Variants in TCF12 observed in about 807,000 individuals in gnomAD.
TCF12 encodes the protein DNA-binding protein HTF4.
TCF12 carries 45 observed loss-of-function variants against 86.0 expected under a neutral mutation model. That is an observed-to-expected ratio of 0.52 (90% CI 0.41 to 0.67). The LOEUF (loss-of-function observed/expected upper bound fraction) is 0.67. Ranked by LOEUF, TCF12 falls within the 30% of genes least tolerant of loss-of-function variation. TCF12 has a pLI of 0.00. For missense variants in TCF12, 881 were observed against 859.9 expected, an observed-to-expected ratio of 1.02 and a Z score of -0.31; for synonymous variants, 330 against 299.6, an observed-to-expected ratio of 1.10 and a Z score of -1.05.
intron 5 of TCF12, among the ~76,000 whole-genome samples, chr15:57,164,269 TGTGG>T (rs1443697913): frequency 2.0e-5 from 3 of 152,160 alleles, no homozygotes; most frequent in African/African-American, 7.2e-5. Context: ...AGTTTTGAAC[TGTGG>T]GTGTATTAGT....
intron 1 of TCF12, 73 bp from the exon 2 acceptor site, chr15:56,919,819 A>G (rs910341798): frequency 5.1e-5 from 69 of 1,344,190 alleles, no homozygotes; most frequent in Non-Finnish European, 6.4e-5. Context: ...AATCTTCCCC[A>G]GTACCTCTCT....
intron 3 of TCF12, among the ~76,000 whole-genome samples, chr15:56,993,948 T>C (rs1003565837): frequency 3.3e-5 from 5 of 152,168 alleles, no homozygotes; most frequent in African/African-American, 9.7e-5. Context: ...AACGTTGGAA[T>C]TATCTGACAG....
chr15:57,260,383 T>C (rs1356267929), intron 16 of TCF12, among the ~76,000 whole-genome samples: 10 of 152,202 alleles, frequency 6.6e-5, no homozygotes, highest in African/African-American at 2.4e-4. Context: ...AAATTCAATT[T>C]GTTACTGTTC....
At chr15:57,234,366 A>G (rs545704292) in intron 12 of TCF12, among the ~76,000 whole-genome samples, 13 of 152,372 alleles carry the variant, frequency 8.5e-5, no homozygotes, top group Admixed American at 1.3e-4. Context: ...TTTCTTCTAA[A>G]TACATAGTTA....
intron 11 of TCF12, 124 bp from the exon 12 acceptor site, chr15:57,233,919 A>ATT (rs1180374361): frequency 4.1e-6 from 3 of 728,672 alleles, no homozygotes; most frequent in Non-Finnish European, 7.3e-6. Context: ...CATGTAGAGT[A>ATT]TTTCCTAGTT....
intron 5 of TCF12, among the ~76,000 whole-genome samples, chr15:57,110,116 A>C (rs1444197651): frequency 6.6e-6 from 1 of 152,216 alleles, no homozygotes; most frequent in Non-Finnish European, 1.5e-5. Flanking sequence ...ATGCATTCTC[A>C]TGATAGCATA....
At chr15:56,924,234 T>C (rs1173035210) in intron 3 of TCF12, among the ~76,000 whole-genome samples, 2 of 152,158 alleles carry the variant, frequency 1.3e-5, no homozygotes, top group African/African-American at 4.8e-5. Context: ...ATTAGTACAG[T>C]ATCACAACTA....
intron 5 of TCF12, among the ~76,000 whole-genome samples, chr15:57,139,242 C>T (rs952255542): frequency 6.6e-6 from 1 of 152,142 alleles, no homozygotes. Flanking sequence ...TTACTTTCCT[C>T]TGCTCTAAAA....
intron 3 of TCF12, among the ~76,000 whole-genome samples, chr15:57,043,789 T>G (rs2067050047): frequency 1.3e-5 from 2 of 152,210 alleles, no homozygotes; most frequent in Admixed American, 1.3e-4. Context: ...AGTTATTTCT[T>G]CAAGAAAACT....
intron 11 of TCF12, 133 bp downstream of exon 11, chr15:57,232,989 G>A (rs2059212455): frequency 2.0e-6 from 1 of 504,234 alleles, no homozygotes; most frequent in South Asian, 9.5e-5. Context: ...ATATGTATAT[G>A]TGTGTTATAT....
intron 5 of TCF12, among the ~76,000 whole-genome samples, chr15:57,118,696 T>A (rs2051013402): frequency 6.6e-6 from 1 of 152,226 alleles, no homozygotes; most frequent in Admixed American, 6.5e-5. Context: ...GTAGCCAGTA[T>A]ATTTTCAGAT....
At chr15:56,921,162 T>C (rs1595683701) in intron 3 of TCF12, 64 bp downstream of exon 3, 2 of 1,261,226 alleles carry the variant, frequency 1.6e-6, no homozygotes, top group East Asian at 2.6e-5. Context: ...AGTAGAAAAA[T>C]AGAAAGCATA....
chr15:57,264,194 G>GATT (rs1567013145), intron 18 of TCF12, among the ~76,000 whole-genome samples: 1 of 15,458 alleles, frequency 6.5e-5, no homozygotes, highest in African/African-American at 1.9e-4. Flanking sequence ...TCTTTTGTAA[G>GATT]CTTTTTTTTT....
intron 3 of TCF12, among the ~76,000 whole-genome samples, chr15:57,012,187 A>G (rs2064873438): frequency 6.6e-6 from 1 of 152,230 alleles, no homozygotes; most frequent in Admixed American, 6.5e-5. Flanking sequence ...AAAACCACAT[A>G]AAACAGACCA....
intron 5 of TCF12, among the ~76,000 whole-genome samples, chr15:57,137,894 G>A (rs1388245120): frequency 2.0e-5 from 3 of 152,058 alleles, no homozygotes; most frequent in Admixed American, 1.3e-4. Context: ...GGGCATGGTG[G>A]CAGGCATCTG....
intron 3 of TCF12, among the ~76,000 whole-genome samples, chr15:56,941,136 G>A (rs972743898): frequency 2.0e-5 from 3 of 151,744 alleles, no homozygotes; most frequent in African/African-American, 7.2e-5. Context: ...AGGCTGAGGT[G>A]GGTGTATCAC....
intron 19 of TCF12, among the ~76,000 whole-genome samples, chr15:57,281,201 C>T (rs1160558406): frequency 2.6e-5 from 4 of 150,950 alleles, no homozygotes; most frequent in Admixed American, 1.3e-4. Context: ...TGGGCTCAAG[C>T]GATCCTTGTA....
intron 5 of TCF12, among the ~76,000 whole-genome samples, chr15:57,114,907 C>T (rs1235838742): frequency 1.3e-5 from 2 of 150,250 alleles, no homozygotes; most frequent in African/African-American, 4.9e-5. Context: ...AAACTCAGGA[C>T]TAAAATGAGG....
intron 8 of TCF12, among the ~76,000 whole-genome samples, chr15:57,225,354 C>G (rs12903151): frequency 0.39 from 59,347 of 150,690 alleles, 14,527 homozygotes; most frequent in Non-Finnish European, 0.54. Context: ...ATTCTCCTGC[C>G]TCAGCCTCCT....
Sources: gnomAD v4.1 joint callset for allele counts (sites outside exome capture counted in the v4.1 genomes callset) on GRCh38, gnomAD v4.1.1 for gene constraint, MANE v1.5 for transcripts, NCBI Gene and HGNC (gene_info 2026-07-23, HGNC 2026-07-21) for gene names.